Variants in RAB14 observed in about 807,000 individuals in gnomAD.
RAB14 encodes the protein ras-related protein Rab-14.
Under a neutral mutation model 31.1 loss-of-function variants are expected in RAB14, and 3 were observed. The observed-to-expected ratio is 0.10, with a 90% CI of 0.04 to 0.25. The LOEUF (loss-of-function observed/expected upper bound fraction) is 0.25. RAB14 is among the 10% of genes least tolerant of loss of function. RAB14 has a pLI of 1.00. For synonymous variants in RAB14, 85 were observed against 84.9 expected, an observed-to-expected ratio of 1.00 and a Z score of 0.00; for missense variants, 111 against 260.1, an observed-to-expected ratio of 0.43 and a Z score of 3.94.
At chr9:121,190,525 C>T (rs1313501330) in intron 4 of RAB14, 29 bp downstream of exon 4, 2 of 1,529,928 alleles carry the variant, frequency 1.3e-6, no homozygotes, top group Non-Finnish European at 1.8e-6. Flanking sequence ...TTATTTTCCC[C>T]ATATGAAGGT....
At chr9:121,184,678 G>C (rs1288144463) in intron 5 of RAB14, among the ~76,000 whole-genome samples, 3 of 152,196 alleles carry the variant, frequency 2.0e-5, no homozygotes, top group African/African-American at 7.2e-5. Flanking sequence ...TTATCTGAAT[G>C]TAAACCTCAT....
chr9:121,190,512 G>C (rs2053680904), intron 4 of RAB14, 42 bp downstream of exon 4: 1 of 1,504,370 alleles, frequency 6.6e-7, no homozygotes, highest in Admixed American at 2.2e-5. Context: ...GCCCAAAGTA[G>C]ATTTATTTTC....
chr9:121,192,302 A>C, intron 2 of RAB14, 78 bp from the exon 3 acceptor site: 1 of 1,020,902 alleles, frequency 9.8e-7, no homozygotes, highest in Non-Finnish European at 1.4e-6. Context: ...TCCTTACCAT[A>C]TAACATATCA....
chr9:121,184,580 T>A (rs1399853595), intron 5 of RAB14, among the ~76,000 whole-genome samples: 1 of 152,208 alleles, frequency 6.6e-6, no homozygotes, highest in Non-Finnish European at 1.5e-5. Flanking sequence ...TAAAAGGCAC[T>A]TCAGCCATTA....
At chr9:121,193,223 A>T (rs1588370778) in intron 2 of RAB14, 138 bp downstream of exon 2, 2 of 594,028 alleles carry the variant, frequency 3.4e-6, no homozygotes, top group East Asian at 6.7e-5. Flanking sequence ...ATGCAAAAAT[A>T]AATCTTATAA....
In RAB14 at chr9:121,193,408, G is replaced by C. The variant is rs1375917586; in HGVS notation, c.5C>G (p.Ala2Gly). The C allele has an allele frequency of 6.3e-7, 1 of 1,580,674 alleles. No homozygotes were observed. The highest frequency in any genetic ancestry group is 2.3e-5 in the East Asian group (1 of 43,904). The part of the protein sequence containing the change: M[A>G]TAPYNYSYIF... ...GTAAGAGTAGTTGTATGGTGCAGTT[G>C]CCATGGTGGCACTAAAAACAAAGAA... Residue 2 changes from alanine (A) to glycine (G), a missense_variant, in exon 2 of 8, where the codon GCA (alanine) becomes GGA (glycine). Physicochemically the swap from Ala to Gly is moderately conservative, Grantham distance 60 (BLOSUM62 0). Transcript: ENST00000373840.
chr9:121,194,581 C>T lies in RAB14; in HGVS notation c.-7-1162G>A, dbSNP rs185103827. ...TCTCAAACCAGCTTTCAGCTTAAGA[C>T]AAAAATTATTTATACATATAAAGAT... On this transcript the variant is annotated intron_variant, in intron 1 of 7. Transcript: ENST00000373840. Among the ~76,000 whole-genome samples, 5 of 152,080 alleles carry T rather than the reference C, an allele frequency of 3.3e-5. No individual in the cohort carries two copies. In the East Asian group the frequency reaches 9.6e-4, roughly 29 times the overall value.
Position 121,193,431 on chromosome 9 carries a change from G to C in RAB14, c.-7-12C>G. Reference sequence around the variant, plus strand: ...TTGCCATGGTGGCACTAAAAACAAAGAAATCTCTGTTACTTCAGAAGGAAA... The same window carrying C: ...TTGCCATGGTGGCACTAAAAACAAACAAATCTCTGTTACTTCAGAAGGAAA... On this transcript the variant is annotated splice_polypyrimidine_tract_variant and intron_variant, in intron 1 of 7. Transcript: ENST00000373840. 2 of 1,547,550 alleles carry C rather than the reference G, an allele frequency of 1.3e-6. No individual in the cohort carries two copies. The highest frequency in any genetic ancestry group is 8.8e-7 in the Non-Finnish European group (1 of 1,140,686).
intron 7 of RAB14, among the ~76,000 whole-genome samples, chr9:121,182,027 T>C (rs2053636356): frequency 6.6e-6 from 1 of 152,182 alleles, no homozygotes; most frequent in African/African-American, 2.4e-5. Context: ...ATTACAGGTA[T>C]GAGCCACCAC....
chr9:121,188,476 CTATAAT>C (rs1009024262), intron 4 of RAB14, among the ~76,000 whole-genome samples: 1 of 150,972 alleles, frequency 6.6e-6, no homozygotes, highest in Non-Finnish European at 1.5e-5. Context: ...TTAATATTCA[CTATAAT>C]TATAATTTTA....
At chr9:121,196,128 G>A (rs2053715516) in intron 1 of RAB14, among the ~76,000 whole-genome samples, 1 of 151,766 alleles carries the variant, frequency 6.6e-6, no homozygotes, top group South Asian at 2.1e-4. Flanking sequence ...GGAAATGCTG[G>A]TCTGGTTCAA....
At chr9:121,196,856 T>C (rs1231940128) in intron 1 of RAB14, among the ~76,000 whole-genome samples, 3 of 152,218 alleles carry the variant, frequency 2.0e-5, no homozygotes, top group African/African-American at 7.2e-5. Context: ...TTGAGAACAC[T>C]TGAGAGTAAA....
At position 121,201,707 on chromosome 9, in the gene RAB14, G is replaced by C. The variant is rs1400862797; in HGVS notation, c.-76C>G. On this transcript the variant is annotated 5_prime_UTR_variant, in exon 1 of 8. Coordinates refer to ENST00000373840, the MANE Select transcript of RAB14 (RefSeq NM_016322.4). ...GGGCGTCAGGACCAGGAACAGGAGT[G>C]CGGACGCAGCGGGAGAGGGGGCGGG... The C allele has an allele frequency of 1.3e-5, 2 of 152,618 alleles. No homozygotes were observed. Among genetic ancestry groups the C allele is most frequent in the Non-Finnish European group, 2.9e-5 (2 of 68,458 alleles). The allele number at this position is 152,618 out of a possible 1,614,324, so 9.5% of individuals were successfully genotyped here.
At chr9:121,184,120 C>T (rs1318904453) in intron 5 of RAB14, among the ~76,000 whole-genome samples, 2 of 152,138 alleles carry the variant, frequency 1.3e-5, no homozygotes, top group African/African-American at 2.4e-5. Flanking sequence ...GGTAGAAACC[C>T]AAACTGAGAT....
chr9:121,191,087 C>T (rs2132026164), intron 3 of RAB14, among the ~76,000 whole-genome samples: 1 of 152,238 alleles, frequency 6.6e-6, no homozygotes, highest in African/African-American at 2.4e-5. Context: ...ATTTTATTCA[C>T]AAAAACAGGC....
In RAB14 at chr9:121,183,091, T is replaced by G. The variant is rs913295430; in HGVS notation, c.440-131A>C. On this transcript the variant is annotated intron_variant, in intron 6 of 7. Transcript: ENST00000373840. ...CCATAGTATTTTATGAAAAAGTATGTAAGTTTGAGGTGGAGAGCATCTTTA... is the reference window on the plus strand; with the variant it reads ...CCATAGTATTTTATGAAAAAGTATGGAAGTTTGAGGTGGAGAGCATCTTTA... The G allele has an allele frequency of 3.3e-6, 3 of 920,778 alleles. No individual in the cohort carries two copies. The African/African-American group carries it at 5.0e-5, about 15-fold the overall frequency. The allele number at this position is 920,778 out of a possible 1,614,324, so 57.0% of individuals were successfully genotyped here.
chr9:121,195,055 CACA>C (rs959374551), intron 1 of RAB14, among the ~76,000 whole-genome samples: 2 of 152,088 alleles, frequency 1.3e-5, no homozygotes, highest in African/African-American at 4.8e-5. Flanking sequence ...TTCTGAACAT[CACA>C]ACAACTTTAT....
chr9:121,184,200 A>C (rs1252455470), intron 5 of RAB14, among the ~76,000 whole-genome samples: 1 of 152,160 alleles, frequency 6.6e-6, no homozygotes. Flanking sequence ...ACAGTAACTG[A>C]TAAGAGATGT....
At chr9:121,193,951 G>A (rs1466293075) in intron 1 of RAB14, among the ~76,000 whole-genome samples, 1 of 152,034 alleles carries the variant, frequency 6.6e-6, no homozygotes, top group Non-Finnish European at 1.5e-5. Context: ...AGTTAGCAGC[G>A]CAAAGAGCAA....
Sources: gnomAD v4.1 joint callset for allele counts (sites outside exome capture counted in the v4.1 genomes callset) on GRCh38, gnomAD v4.1.1 for gene constraint, MANE v1.5 for transcripts, NCBI Gene and HGNC (gene_info 2026-07-23, HGNC 2026-07-21) for gene names.